SBF2: variants seen among roughly 807,000 people sequenced by gnomAD.
The protein encoded by SBF2 is myotubularin-related protein 13.
Under a neutral mutation model 225.2 loss-of-function variants are expected in SBF2, and 112 were observed. The observed-to-expected ratio is 0.50, with a 90% CI of 0.43 to 0.58. The LOEUF (loss-of-function observed/expected upper bound fraction) is 0.58. Ranked by LOEUF, SBF2 falls within the 20% of genes least tolerant of loss-of-function variation. The probability of loss-of-function intolerance (pLI) is 0.00; values close to 1 mark genes in which losing one functional copy is unlikely to be tolerated. For synonymous variants in SBF2, 763 were observed against 773.3 expected, an observed-to-expected ratio of 0.99 and a Z score of 0.22; for missense variants, 1,996 against 2,206.2, an observed-to-expected ratio of 0.90 and a Z score of 1.91.
intron 2 of SBF2, among the ~76,000 whole-genome samples, chr11:10,059,050 A>G (rs2134746395): frequency 6.6e-6 from 1 of 152,310 alleles, no homozygotes; most frequent in South Asian, 2.1e-4. Context: ...AGCTAATACA[A>G]AAACACACTT....
At chr11:10,221,857 G>C (rs1319328023) in intron 1 of SBF2, among the ~76,000 whole-genome samples, 2 of 152,314 alleles carry the variant, frequency 1.3e-5, no homozygotes, top group East Asian at 3.9e-4. Context: ...ACCATAGCAA[G>C]TACCTAAAAC....
chr11:10,197,432 T>C (rs1033614905), intron 1 of SBF2, among the ~76,000 whole-genome samples: 7 of 152,366 alleles, frequency 4.6e-5, no homozygotes, highest in African/African-American at 1.7e-4. Context: ...GCAACAGCGT[T>C]ACGCCTAAAA....
chr11:9,873,488 A>G (rs1322135730), intron 17 of SBF2, among the ~76,000 whole-genome samples: 1 of 152,202 alleles, frequency 6.6e-6, no homozygotes, highest in African/African-American at 2.4e-5. Context: ...AGCAGCAGCC[A>G]GGGGCTCAAG....
intron 16 of SBF2, among the ~76,000 whole-genome samples, chr11:9,952,912 A>G (rs1865941542): frequency 6.6e-6 from 1 of 152,170 alleles, no homozygotes; most frequent in Non-Finnish European, 1.5e-5. Context: ...GTGAACAGGG[A>G]ACACTTCTAC....
At position 10,133,724 on chromosome 11, in the gene SBF2, G is replaced by A. The variant is rs1042331634; in HGVS notation, c.141+60178C>T. On this transcript the variant is annotated intron_variant, in intron 2 of 39. Transcript: ENST00000256190. ...CCTGCAAGCTGAGGGAGTGGGCTCC[G>A]GCCTTGGCCAGGCCAGAAAGGGGCT... 2.0e-5 allele frequency among the ~76,000 whole-genome samples: 3 copies of A among 151,686 alleles called. No homozygotes were observed. In the East Asian group the frequency reaches 5.9e-4, roughly 30 times the overall value.
At chr11:10,149,004 G>T (rs78026246) in intron 2 of SBF2, among the ~76,000 whole-genome samples, 4,372 of 152,204 alleles carry the variant, frequency 0.029, 86 homozygotes, top group Non-Finnish European at 0.045. Context: ...AGCTTTTAGG[G>T]CTCAATGAAC....
chr11:10,278,280 T>C (rs969229451), intron 1 of SBF2, among the ~76,000 whole-genome samples: 12 of 152,218 alleles, frequency 7.9e-5, no homozygotes, highest in African/African-American at 2.9e-4. Flanking sequence ...CATTGATAAG[T>C]ATATGGGAAA....
At chr11:10,076,294 C>T (rs558402933) in intron 2 of SBF2, among the ~76,000 whole-genome samples, 1 of 152,354 alleles carries the variant, frequency 6.6e-6, no homozygotes, top group African/African-American at 2.4e-5. Flanking sequence ...GCACTCCCGT[C>T]TCCAACTACT....
chr11:9,785,597 C>T (rs528960749), intron 36 of SBF2, among the ~76,000 whole-genome samples: 4 of 152,236 alleles, frequency 2.6e-5, no homozygotes, highest in Non-Finnish European at 5.9e-5. Flanking sequence ...CGTGGTGGCT[C>T]ATGCATGTAA....
chr11:9,889,003 A>G (rs1860572967), intron 17 of SBF2, among the ~76,000 whole-genome samples: 2 of 152,198 alleles, frequency 1.3e-5, no homozygotes, highest in Admixed American at 1.3e-4. Context: ...CTGGACTCCC[A>G]TTCTTTACTG....
chr11:10,226,792 A>T (rs538109588), intron 1 of SBF2, among the ~76,000 whole-genome samples: 1 of 152,168 alleles, frequency 6.6e-6, no homozygotes, highest in Non-Finnish European at 1.5e-5. Context: ...ATAAACATAC[A>T]TGTGCATGTG....
At chr11:9,842,519 A>C (rs1406978615) in intron 25 of SBF2, 106 bp downstream of exon 25, 2 of 1,153,494 alleles carry the variant, frequency 1.7e-6, no homozygotes, top group African/African-American at 3.1e-5. Context: ...TCTTCTCATG[A>C]GATCTAGGTT....
At chr11:9,999,377 G>C (rs1325889221) in intron 8 of SBF2, among the ~76,000 whole-genome samples, 1 of 151,932 alleles carries the variant, frequency 6.6e-6, no homozygotes, top group Non-Finnish European at 1.5e-5. Context: ...CTGGAGTATA[G>C]TGGTGCAATC....
intron 6 of SBF2, among the ~76,000 whole-genome samples, chr11:10,020,752 A>T (rs1948823215): frequency 6.6e-6 from 1 of 152,166 alleles, no homozygotes; most frequent in Non-Finnish European, 1.5e-5. Context: ...CCAGGGAAAG[A>T]CAAAAGTGAG....
Position 9,842,705 on chromosome 11 carries a change from T to G in SBF2, c.3176A>C (p.Tyr1059Ser). 1.2e-6 allele frequency: 2 copies of G among 1,614,172 alleles called. No individual in the cohort carries two copies. Among genetic ancestry groups the G allele is most frequent in the South Asian group, 2.2e-5 (2 of 91,086 alleles). The stretch of plus-strand genomic sequence containing the variant: ...TGTCCCTGTCTTCTTCTTCAGTAAA[T>G]ATTGCCGCCCAATTGTCATTTTCCC... ...RAGKMTIGRQ[Y>S]LLKKKTGTIV... is the part of the protein sequence containing the mutation. Residue 1059 changes from tyrosine to serine, a missense_variant, in exon 25 of 40, where the codon TAT becomes TCT. Physicochemically the swap from Tyr to Ser is moderately radical, Grantham distance 144. Coordinates refer to ENST00000256190, the MANE Select transcript of SBF2 (RefSeq NM_030962.4).
At chr11:9,829,166 A>G (rs1308876028) in intron 28 of SBF2, among the ~76,000 whole-genome samples, 190 bp downstream of exon 28, 1 of 152,218 alleles carries the variant, frequency 6.6e-6, no homozygotes, top group Admixed American at 6.5e-5. Flanking sequence ...TTAAGTTACT[A>G]TTTACTAGAC....
At chr11:9,826,095 C>T in intron 28 of SBF2, among the ~76,000 whole-genome samples, 1 of 152,156 alleles carries the variant, frequency 6.6e-6, no homozygotes, top group East Asian at 1.9e-4. Context: ...GTCTAAAATA[C>T]CAGTCCACAC....
intron 16 of SBF2, among the ~76,000 whole-genome samples, chr11:9,930,398 T>C (rs1864400806): frequency 6.6e-6 from 1 of 152,050 alleles, no homozygotes; most frequent in African/African-American, 2.4e-5. Flanking sequence ...TCACATAAAA[T>C]GTAGAAAATG....
At chr11:10,099,991 C>A (rs1307536668) in intron 2 of SBF2, among the ~76,000 whole-genome samples, 1 of 152,132 alleles carries the variant, frequency 6.6e-6, no homozygotes, top group African/African-American at 2.4e-5. Context: ...ATACTAAGTT[C>A]TTATCTATCA....
Sources: allele counts gnomAD v4.1 joint callset (sites outside exome capture counted in the v4.1 genomes callset), GRCh38; gene constraint gnomAD v4.1.1; transcripts MANE v1.5; gene names NCBI Gene and HGNC (gene_info 2026-07-23, HGNC 2026-07-21).